The following SYT9 variants were observed in gnomAD, a reference collection of about 807,000 sequenced individuals.
SYT9 encodes synaptotagmin 9.
A neutral mutation model predicts 48.4 loss-of-function variants in SYT9; 22 were observed. The observed-to-expected ratio is 0.45, with a 90% confidence interval of 0.32 to 0.65. The LOEUF (loss-of-function observed/expected upper bound fraction) is 0.65. Among genes scored for constraint, SYT9 ranks in the 30% least tolerant of loss-of-function variants. SYT9 has a pLI of 0.03. For missense variants in SYT9, 577 were observed against 622.0 expected (o/e 0.93, Z 0.77); for synonymous variants, 265 against 245.0 (o/e 1.08, Z -0.76).
chr11:7,382,818 G>A (rs1850590691), intron 3 of SYT9, among the ~76,000 whole-genome samples: 1 of 152,144 alleles, frequency 6.6e-6, no homozygotes, highest in Admixed American at 6.5e-5. Context: ...AGCATTTGAG[G>A]GAGTAATTCA....
intron 1 of SYT9, among the ~76,000 whole-genome samples, chr11:7,245,756 G>A (rs1178091961): frequency 6.6e-6 from 1 of 152,162 alleles, no homozygotes; most frequent in African/African-American, 2.4e-5. Context: ...TTTTATAACA[G>A]CATAATTCTA....
At chr11:7,430,015 T>TCAGTCACATAGCTGTCCTTTC (rs1414028202) in intron 6 of SYT9, among the ~76,000 whole-genome samples, 2 of 152,206 alleles carry the variant, frequency 1.3e-5, no homozygotes, top group East Asian at 3.9e-4. Context: ...GGAGTGAAGA[T>TCAGTCACATAGCTGTCCTTTC]CAGTCACATA....
intron 3 of SYT9, among the ~76,000 whole-genome samples, chr11:7,373,783 C>G (rs1850405072): frequency 6.6e-6 from 1 of 152,024 alleles, no homozygotes; most frequent in South Asian, 2.1e-4. Context: ...GGTGGGAAAG[C>G]CTTAAATTTT....
intron 1 of SYT9, among the ~76,000 whole-genome samples, chr11:7,266,369 A>G (rs1848181670): frequency 6.6e-6 from 1 of 152,148 alleles, no homozygotes; most frequent in South Asian, 2.1e-4. Context: ...GAGGGAATCT[A>G]CAAAGAGAAC....
Position 7,446,840 on chromosome 11 carries a change from G to A in SYT9, c.1468-19952G>A, listed in dbSNP as rs143675941. Among the ~76,000 whole-genome samples the A allele has an allele frequency of 2.5e-3, 385 of 152,300 alleles. 1 individual carries two copies. Among genetic ancestry groups the A allele is most frequent in the Middle Eastern group, 0.024 (7 of 292 alleles). ...GTCTGTGAGCCCACTTTGGTCCCTG[G>A]TCAGCTCCGCAGGCCTCCTGCAATC... On this transcript the variant is annotated intron_variant, in intron 6 of 6. Transcript: ENST00000318881.
intron 3 of SYT9, among the ~76,000 whole-genome samples, chr11:7,350,234 C>CT (rs1254290848): frequency 6.6e-6 from 1 of 152,124 alleles, no homozygotes; most frequent in Non-Finnish European, 1.5e-5. Context: ...GAAATAATAC[C>CT]TGAAGAAGTG....
chr11:7,291,962 T>C (rs891237912), intron 1 of SYT9, among the ~76,000 whole-genome samples: 17 of 151,896 alleles, frequency 1.1e-4, no homozygotes, highest in Non-Finnish European at 1.0e-4. Context: ...TGTAGGAAGG[T>C]GAAGGTCAAA....
chr11:7,256,029 G>C (rs925107), intron 1 of SYT9, among the ~76,000 whole-genome samples: 22,692 of 151,860 alleles, frequency 0.15, 1,767 homozygotes, highest in East Asian at 0.23. Flanking sequence ...ACTTTTTTTG[G>C]TCAAAAAGCA....
At chr11:7,425,571 A>G (rs1377388488) in intron 6 of SYT9, among the ~76,000 whole-genome samples, 1 of 152,176 alleles carries the variant, frequency 6.6e-6, no homozygotes, top group Non-Finnish European at 1.5e-5. Context: ...ATGGACTGAA[A>G]CGTACAATAG....
At chr11:7,412,037 C>T (rs534353878) in intron 3 of SYT9, among the ~76,000 whole-genome samples, 27 of 151,696 alleles carry the variant, frequency 1.8e-4, no homozygotes, top group Non-Finnish European at 2.9e-4. Flanking sequence ...TCTTCAGTTC[C>T]GGAATTTATG....
intron 3 of SYT9, among the ~76,000 whole-genome samples, chr11:7,345,147 A>G (rs1174027427): frequency 6.6e-6 from 1 of 152,120 alleles, no homozygotes; most frequent in Non-Finnish European, 1.5e-5. Context: ...CTCATTGTTT[A>G]TCGTTCTCTT....
At chr11:7,455,719 G>A (rs556618370) in intron 6 of SYT9, among the ~76,000 whole-genome samples, 10 of 152,292 alleles carry the variant, frequency 6.6e-5, no homozygotes, top group South Asian at 4.1e-4. Flanking sequence ...AAAGGAGAAC[G>A]TGAAGGTCCT....
upstream of SYT9, among the ~76,000 whole-genome samples, chr11:7,247,597 A>G (rs142645650): frequency 0.22 from 31,484 of 146,416 alleles, 4,369 homozygotes; most frequent in Admixed American, 0.3. Flanking sequence ...GTGTATATAT[A>G]CGTATATATA....
At chr11:7,405,758 T>G (rs1376620206) in intron 3 of SYT9, among the ~76,000 whole-genome samples, 1 of 152,184 alleles carries the variant, frequency 6.6e-6, no homozygotes, top group Non-Finnish European at 1.5e-5. Flanking sequence ...TATGAGAAAA[T>G]GGGATATTTT....
intron 3 of SYT9, among the ~76,000 whole-genome samples, chr11:7,393,353 A>G (rs1222857894): frequency 6.8e-6 from 1 of 147,406 alleles, no homozygotes; most frequent in Non-Finnish European, 1.5e-5. Flanking sequence ...TTCTCTGTGT[A>G]TATTGAGATG....
At chr11:7,392,828 A>G (rs771104611) in intron 3 of SYT9, among the ~76,000 whole-genome samples, 2 of 151,928 alleles carry the variant, frequency 1.3e-5, no homozygotes, top group Non-Finnish European at 2.9e-5. Flanking sequence ...CCTTCATTAG[A>G]TGTATCCCTA....
Position 7,252,185 on chromosome 11 carries a change from C to T in SYT9, c.-2C>T, listed in dbSNP as rs746951848. The T allele has an allele frequency of 2.1e-6, 3 of 1,446,134 alleles. No individual in the cohort carries two copies. The highest frequency in any genetic ancestry group is 2.7e-6 in the Non-Finnish European group (3 of 1,101,264). 89.6% of individuals were successfully genotyped at this position (1,446,134 alleles called of 1,614,324 possible). A position where few individuals can be genotyped will look rare whatever the true frequency, so the allele number is the denominator to read the frequency against. On this transcript the variant is annotated 5_prime_UTR_variant, in exon 1 of 7. Coordinates refer to ENST00000318881, the MANE Select transcript of SYT9 (RefSeq NM_175733.4). This position sits in a 1 kb window ranked among gnomAD's most constrained non-coding sequence, Gnocchi z 6.3. ...GGCGCGGTCCGAGGATGCGGGGGGG[C>T]GATGCCCGGGGCCAGGGACGCGCTC...
chr11:7,425,525 C>G (rs1442990780), intron 6 of SYT9, among the ~76,000 whole-genome samples: 1 of 152,002 alleles, frequency 6.6e-6, no homozygotes, highest in Non-Finnish European at 1.5e-5. Context: ...ACCAGACTAG[C>G]AGGGAAGAAC....
chr11:7,398,334 A>G (rs1429066139), intron 3 of SYT9, among the ~76,000 whole-genome samples: 1 of 152,086 alleles, frequency 6.6e-6, no homozygotes, highest in African/African-American at 2.4e-5. Context: ...TAACATTTAT[A>G]TGAGTTTAGT....
Sources: allele counts gnomAD v4.1 joint callset (sites outside exome capture counted in the v4.1 genomes callset), GRCh38; gene constraint gnomAD v4.1.1; non-coding constraint Gnocchi (gnomAD v3.1); transcripts MANE v1.5; gene names NCBI Gene and HGNC (gene_info 2026-07-23, HGNC 2026-07-21).